Variants in TMPRSS15 observed in about 807,000 individuals in gnomAD.
TMPRSS15 encodes the protein enteropeptidase.
In TMPRSS15, 128 loss-of-function variants were observed where a neutral mutation model predicts 125.3. The ratio of observed to expected loss-of-function variants is 1.02; its 90% CI spans 0.89 to 1.18. The LOEUF (loss-of-function observed/expected upper bound fraction) is 1.18. Among genes scored for constraint, TMPRSS15 ranks in the 50% most tolerant of loss-of-function variants. The pLI is 0.00. For missense variants in TMPRSS15, 1,283 were observed against 1,212.7 expected (o/e 1.06, Z -0.86); for synonymous variants, 446 against 423.2 (o/e 1.05, Z -0.66).
chr21:18,440,612 A>G (rs1404601093), intron 1 of TMPRSS15, among the ~76,000 whole-genome samples: 1 of 151,942 alleles, frequency 6.6e-6, no homozygotes, highest in Non-Finnish European at 1.5e-5. Flanking sequence ...AGTAGCACCT[A>G]TTTTCAAGGT....
chr21:18,321,805 A>G (rs1052343634), intron 16 of TMPRSS15, among the ~76,000 whole-genome samples: 2 of 152,158 alleles, frequency 1.3e-5, no homozygotes, highest in Non-Finnish European at 2.9e-5. Context: ...GTCTTTGGGT[A>G]TAAAAAATCT....
intron 5 of TMPRSS15, among the ~76,000 whole-genome samples, chr21:18,377,299 C>G (rs950922213): frequency 2.0e-5 from 3 of 152,066 alleles, no homozygotes; most frequent in African/African-American, 7.2e-5. Flanking sequence ...ATGAGCATTA[C>G]CCAGTATAAT....
intron 1 of TMPRSS15, among the ~76,000 whole-genome samples, chr21:18,411,640 A>G (rs1169287425): frequency 1.3e-5 from 2 of 152,116 alleles, no homozygotes; most frequent in East Asian, 3.9e-4. Context: ...CTCTTGTCTG[A>G]CTACAGTGAA....
At chr21:18,449,550 T>C (rs542195838) in intron 1 of TMPRSS15, among the ~76,000 whole-genome samples, 3 of 152,162 alleles carry the variant, frequency 2.0e-5, no homozygotes, top group Non-Finnish European at 4.4e-5. Flanking sequence ...TATTGAACTT[T>C]TATGTTCCTC....
chr21:18,300,206 TTCTTTTTCTTTCTC>T (rs1361276532), intron 18 of TMPRSS15, among the ~76,000 whole-genome samples: 28 of 64,126 alleles, frequency 4.4e-4, no homozygotes, highest in Admixed American at 2.6e-3. Flanking sequence ...TTCTCTTTCT[TTCTTTTTCTTTCTC>T]TCTTTTTCTT....
Position 18,281,025 on chromosome 21 carries a change from A to AT in TMPRSS15, c.2668+14dup, listed in dbSNP as rs3215891. 3.4e-3 allele frequency: 4,494 copies of AT among 1,311,792 alleles called. No individual in the cohort carries two copies. Among genetic ancestry groups the AT allele is most frequent in the Non-Finnish European group, 3.9e-3 (3,644 of 937,394 alleles). 81.3% of individuals were successfully genotyped at this position (1,311,792 alleles called of 1,614,324 possible). On this transcript the variant is annotated intron_variant, in intron 22 of 24. Transcript: ENST00000284885. ...TTGGCAGATAAGATGACTAAGAGTG[A>AT]TTTTTTTTTTTTACCTGTGTAATTC...
intron 21 of TMPRSS15, among the ~76,000 whole-genome samples, chr21:18,292,684 A>T (rs1239331224): frequency 6.6e-6 from 1 of 152,234 alleles, no homozygotes; most frequent in Non-Finnish European, 1.5e-5. Context: ...ACTTATTAAG[A>T]TCTACCTATG....
intron 16 of TMPRSS15, among the ~76,000 whole-genome samples, chr21:18,325,268 C>T (rs1431367561): frequency 6.6e-6 from 1 of 151,334 alleles, no homozygotes; most frequent in East Asian, 2.0e-4. Context: ...GTCACTGTTG[C>T]TTGTAAGTAA....
Position 18,379,761 on chromosome 21 carries a change from C to T in TMPRSS15, c.497-443G>A, listed in dbSNP as rs540180325. ...GTTTGACACTTAGTACCTGTGTGAC[C>T]CTGGGCATGTTACTTATTATTTAAT... On this transcript the variant is annotated intron_variant, in intron 4 of 24. Coordinates refer to ENST00000284885, the MANE Select transcript of TMPRSS15 (RefSeq NM_002772.3). 9.2e-5 allele frequency among the ~76,000 whole-genome samples: 14 copies of T among 152,016 alleles called. No individual in the cohort carries two copies. The South Asian group carries it at 2.9e-3, about 32-fold the overall frequency.
chr21:18,302,237 CGAAAAGGCTTTTG>C (rs576433067), intron 18 of TMPRSS15, among the ~76,000 whole-genome samples: 1 of 152,202 alleles, frequency 6.6e-6, no homozygotes, highest in Admixed American at 6.5e-5. Context: ...GGGATTAGCC[CGAAAAGGCTTTTG>C]GAGAAGGACG....
intron 16 of TMPRSS15, among the ~76,000 whole-genome samples, chr21:18,319,034 T>A (rs1740650331): frequency 6.6e-6 from 1 of 152,194 alleles, no homozygotes; most frequent in Non-Finnish European, 1.5e-5. Flanking sequence ...TGATTTCAAA[T>A]AAAGTTTAAA....
In TMPRSS15 at chr21:18,403,763, T is replaced by A; in HGVS notation, c.-141A>T. On this transcript the variant is annotated 5_prime_UTR_variant, in exon 1 of 25. Transcript: ENST00000284885. ...CTACATGCATACCAGTCAGTGTAAGTGAGTTGTGTATGTCTCTTTGGCAAA... is the reference window on the plus strand; with the variant it reads ...CTACATGCATACCAGTCAGTGTAAGAGAGTTGTGTATGTCTCTTTGGCAAA... 9.5e-7 allele frequency: 1 copy of A among 1,054,474 alleles called. No individual in the cohort carries two copies. The highest frequency in any genetic ancestry group is 1.4e-6 in the Non-Finnish European group (1 of 708,218). The allele number at this position is 1,054,474 out of a possible 1,614,324, so 65.3% of individuals were successfully genotyped here.
chr21:18,475,224 C>A (rs926220713), intron 1 of TMPRSS15, among the ~76,000 whole-genome samples: 2 of 152,170 alleles, frequency 1.3e-5, no homozygotes, highest in East Asian at 3.9e-4. Context: ...AGAGTTGATT[C>A]CTATTCTATT....
chr21:18,273,778 C>T (rs1022449441), intron 24 of TMPRSS15, among the ~76,000 whole-genome samples: 2 of 152,026 alleles, frequency 1.3e-5, no homozygotes, highest in African/African-American at 4.8e-5. Context: ...AGTATAAGAC[C>T]CGAAGATAAA....
chr21:18,297,704 A>G lies in TMPRSS15; in HGVS notation c.2261+30T>C, dbSNP rs376550128. The G allele has an allele frequency of 2.4e-5, 36 of 1,527,670 alleles. No individual in the cohort carries two copies. The African/African-American group carries it at 4.9e-4, about 21-fold the overall frequency. 94.6% of individuals were successfully genotyped at this position (1,527,670 alleles called of 1,614,324 possible). ...CTATCTTCTGCCATGTCTATGTACA[A>G]CTAGTCTAAGAACAGATTTAGGGAC... On this transcript the variant is annotated intron_variant, in intron 19 of 24. Transcript: ENST00000284885.
chr21:18,432,557 G>A (rs2076218306), intron 1 of TMPRSS15, among the ~76,000 whole-genome samples: 1 of 152,150 alleles, frequency 6.6e-6, no homozygotes, highest in South Asian at 2.1e-4. Flanking sequence ...AGAAGGTTAT[G>A]TGAAGACACA....
Position 18,353,802 on chromosome 21 carries a change from G to T in TMPRSS15, c.942C>A (p.Thr314=). The T allele has an allele frequency of 6.2e-7, 1 of 1,611,870 alleles. No homozygotes were observed. The highest frequency in any genetic ancestry group is 8.5e-7 in the Non-Finnish European group (1 of 1,178,494). The part of the protein sequence containing the change: ...IRIFSNQVTA[T]FLIESDESDY... Reference sequence around the variant, plus strand: ...CACTTTCATCAGATTCTATAAGAAAGGTGGCAGTAACTTGGTTGGAAAAAA... The same window carrying T: ...CACTTTCATCAGATTCTATAAGAAATGTGGCAGTAACTTGGTTGGAAAAAA... The change falls in exon 9 of 25, where the codon ACC becomes ACA. Residue 314 remains threonine (T), a synonymous_variant. Coordinates refer to ENST00000284885, the MANE Select transcript of TMPRSS15 (RefSeq NM_002772.3).
chr21:18,275,444 G>T, intron 23 of TMPRSS15, 108 bp from the exon 24 acceptor site: 1 of 1,312,974 alleles, frequency 7.6e-7, no homozygotes, highest in Non-Finnish European at 1.1e-6. Flanking sequence ...TCATTATCAA[G>T]TACTGTGTAT....
At chr21:18,301,107 C>G (rs1389817176) in intron 18 of TMPRSS15, among the ~76,000 whole-genome samples, 1 of 152,114 alleles carries the variant, frequency 6.6e-6, no homozygotes, top group East Asian at 1.9e-4. Context: ...AAAATAGTTA[C>G]AAAATTATCA....
Sources: gnomAD v4.1 joint callset for allele counts (sites outside exome capture counted in the v4.1 genomes callset) on GRCh38, gnomAD v4.1.1 for gene constraint, MANE v1.5 for transcripts, NCBI Gene and HGNC (gene_info 2026-07-23, HGNC 2026-07-21) for gene names.